The following MCF2L2 variants were observed in gnomAD, a reference collection of about 807,000 sequenced individuals.
MCF2L2 encodes probable guanine nucleotide exchange factor MCF2L2.
MCF2L2 carries 102 observed loss-of-function variants against 150.2 expected under a neutral mutation model. The observed-to-expected ratio is 0.68, with a 90% confidence interval of 0.58 to 0.80. MCF2L2 has a LOEUF of 0.80. Ranked by LOEUF, MCF2L2 falls within the 30% of genes least tolerant of loss-of-function variation. The pLI is 0.00. For synonymous variants in MCF2L2, 465 were observed against 491.3 expected (o/e 0.95, Z 0.71); for missense variants, 1,256 against 1,372.8 (o/e 0.91, Z 1.34).
At chr3:183,311,050 A>G in intron 8 of MCF2L2, 21 bp from the exon 9 acceptor site, 1 of 1,473,644 alleles carries the variant, frequency 6.8e-7, no homozygotes, top group Non-Finnish European at 9.5e-7. Context: ...AGAATGAGAA[A>G]GTGATGTTAG....
chr3:183,374,994 T>C (rs1385530908), intron 3 of MCF2L2: 1 of 152,228 alleles, frequency 6.6e-6, no homozygotes, highest in African/African-American at 2.4e-5. Context: ...AAGATGTTTA[T>C]GGTTGAGAAA....
intron 1 of MCF2L2, among the ~76,000 whole-genome samples, chr3:183,413,262 C>A (rs1230817272): frequency 6.6e-6 from 1 of 152,172 alleles, no homozygotes; most frequent in African/African-American, 2.4e-5. Flanking sequence ...CTACTGTTGA[C>A]TGGATGCCTT....
intron 25 of MCF2L2, among the ~76,000 whole-genome samples, chr3:183,201,572 T>C (rs932990957): frequency 6.6e-6 from 1 of 151,924 alleles, no homozygotes; most frequent in African/African-American, 2.4e-5. Flanking sequence ...TCATCTGCAA[T>C]TTGACAATTT....
Position 183,336,681 on chromosome 3 carries a change from G to C in MCF2L2, c.486+2119C>G, listed in dbSNP as rs912458002. ...TGGCCAACATGGCTGGTCTCGAACC[G>C]CATCTCTACTAAAAATGCAAAAATT... On this transcript the variant is annotated intron_variant, in intron 5 of 29. Coordinates refer to ENST00000328913, the MANE Select transcript of MCF2L2 (RefSeq NM_015078.4). 3.3e-5 allele frequency among the ~76,000 whole-genome samples: 5 copies of C among 150,504 alleles called. No individual in the cohort carries two copies. In the South Asian group the frequency reaches 8.5e-4, roughly 26 times the overall value.
At chr3:183,255,324 A>G (rs1434249454) in intron 15 of MCF2L2, among the ~76,000 whole-genome samples, 1 of 152,226 alleles carries the variant, frequency 6.6e-6, no homozygotes, top group East Asian at 1.9e-4. Flanking sequence ...AAATAAATTT[A>G]TGGTAGATTT....
chr3:183,218,126 T>A (rs1184994903), intron 21 of MCF2L2, among the ~76,000 whole-genome samples: 1 of 152,136 alleles, frequency 6.6e-6, no homozygotes, highest in East Asian at 1.9e-4. Flanking sequence ...AGTCACAGGG[T>A]TTAATATTTT....
chr3:183,247,704 C>T (rs1397271465), intron 15 of MCF2L2, among the ~76,000 whole-genome samples: 5 of 151,734 alleles, frequency 3.3e-5, no homozygotes, highest in African/African-American at 9.7e-5. Context: ...TAAAATAATG[C>T]AAATTTTAAA....
At chr3:183,254,335 C>T (rs1421845796) in intron 15 of MCF2L2, 1 of 151,868 alleles carries the variant, frequency 6.6e-6, no homozygotes, top group Non-Finnish European at 1.5e-5. Flanking sequence ...GCCGGGAAGT[C>T]GGGAAGCCGG....
chr3:183,287,292 A>G (rs938060282), intron 14 of MCF2L2, among the ~76,000 whole-genome samples: 2 of 152,224 alleles, frequency 1.3e-5, no homozygotes, highest in African/African-American at 4.8e-5. Context: ...TATAGTGTAC[A>G]GGTCATAAAC....
chr3:183,415,189 A>ATT lies in MCF2L2; in HGVS notation c.76+12711_76+12712dup, dbSNP rs200764680. 4.1e-3 allele frequency among the ~76,000 whole-genome samples: 609 copies of ATT among 147,866 alleles called. 5 individuals carry two copies. Among genetic ancestry groups the ATT allele is most frequent in the African/African-American group, 0.014 (560 of 40,430 alleles). Reference sequence around the variant, plus strand: ...CTATTATGTTTAATAGTTGAACTGAATTTTTTTTTTTTTGAGACGGAGTCT... The same window carrying ATT: ...CTATTATGTTTAATAGTTGAACTGAATTTTTTTTTTTTTTTGAGACGGAGTCT... On this transcript the variant is annotated intron_variant, in intron 1 of 29. Transcript: ENST00000328913.
intron 7 of MCF2L2, among the ~76,000 whole-genome samples, chr3:183,317,669 C>T (rs114031650): frequency 2.6e-5 from 4 of 152,134 alleles, no homozygotes; most frequent in African/African-American, 4.8e-5. Context: ...CAAAAGCCAG[C>T]CCCTACCCCT....
At chr3:183,393,536 T>C (rs1031230249) in intron 1 of MCF2L2, among the ~76,000 whole-genome samples, 10 of 152,114 alleles carry the variant, frequency 6.6e-5, no homozygotes, top group African/African-American at 2.4e-4. Context: ...AGGGAAGTGA[T>C]AATTCAATTT....
At chr3:183,244,877 C>T (rs897352165) in intron 15 of MCF2L2, among the ~76,000 whole-genome samples, 2 of 151,366 alleles carry the variant, frequency 1.3e-5, no homozygotes, top group African/African-American at 2.4e-5. Flanking sequence ...GTTTGGGGTG[C>T]ATCTAAAGAA....
intron 3 of MCF2L2, among the ~76,000 whole-genome samples, chr3:183,354,117 A>G (rs1238208314): frequency 6.6e-6 from 1 of 152,242 alleles, no homozygotes; most frequent in East Asian, 1.9e-4. Flanking sequence ...TCAAATGTCC[A>G]GCATTAACAT....
At chr3:183,377,079 G>T (rs891130172) in intron 3 of MCF2L2, 24 of 152,126 alleles carry the variant, frequency 1.6e-4, no homozygotes, top group African/African-American at 5.3e-4. Context: ...GAACATGCAG[G>T]TTTGTTACAT....
Position 183,428,128 on chromosome 3 carries a change from C to A in MCF2L2, c.-151G>T. 1.6e-6 allele frequency: 1 copy of A among 632,086 alleles called. No individual in the cohort carries two copies. Among genetic ancestry groups the A allele is most frequent in the East Asian group, 2.8e-5 (1 of 35,802 alleles). The allele number at this position is 632,086 out of a possible 1,614,324, so 39.2% of individuals were successfully genotyped here. A position where few individuals can be genotyped will look rare whatever the true frequency, so the allele number is the denominator to read the frequency against. ...GGCAAGAAACGAGAGTCCCTCGCAGCCTAGGCCAGCTCTCCCTCGCCACGC... is the reference window on the plus strand; with the variant it reads ...GGCAAGAAACGAGAGTCCCTCGCAGACTAGGCCAGCTCTCCCTCGCCACGC... On this transcript the variant is annotated 5_prime_UTR_variant, in exon 1 of 30. Transcript: ENST00000328913. The surrounding 1 kb of genome is among the most constrained non-coding windows in gnomAD (Gnocchi z 5.1).
intron 25 of MCF2L2, among the ~76,000 whole-genome samples, chr3:183,196,353 A>G (rs1237743570): frequency 6.6e-6 from 1 of 152,116 alleles, no homozygotes; most frequent in African/African-American, 2.4e-5. Context: ...ACAATCCACA[A>G]AGGTTGAAAG....
intron 1 of MCF2L2, among the ~76,000 whole-genome samples, chr3:183,398,886 T>C (rs1427456717): frequency 6.6e-6 from 1 of 152,156 alleles, no homozygotes; most frequent in African/African-American, 2.4e-5. Flanking sequence ...TATAGGTGAA[T>C]GTTTCATAAT....
At chr3:183,224,671 A>C (rs1723280409) in intron 18 of MCF2L2, 1 of 153,078 alleles carries the variant, frequency 6.5e-6, no homozygotes, top group Non-Finnish European at 1.5e-5. Context: ...CAAAAGATGG[A>C]AACATGCCAG....
Sources: gnomAD v4.1 joint callset for allele counts (sites outside exome capture counted in the v4.1 genomes callset) on GRCh38, gnomAD v4.1.1 for gene constraint, Gnocchi (gnomAD v3.1) non-coding constraint, MANE v1.5 for transcripts, NCBI Gene and HGNC (gene_info 2026-07-23, HGNC 2026-07-21) for gene names.